Variants in IL1RAPL2 observed in about 807,000 individuals in gnomAD.
IL1RAPL2 encodes X-linked interleukin-1 receptor accessory protein-like 2.
IL1RAPL2 carries 3 observed loss-of-function variants against 44.1 expected under a neutral mutation model. The ratio of observed to expected loss-of-function variants is 0.07; its 90% CI spans 0.03 to 0.18. The LOEUF is 0.18. Ranked by LOEUF, IL1RAPL2 falls within the 10% of genes least tolerant of loss-of-function variation. IL1RAPL2 has a pLI of 1.00. For synonymous variants in IL1RAPL2, 181 were observed against 178.8 expected, an observed-to-expected ratio of 1.01 and a Z score of -0.10; for missense variants, 391 against 496.4, an observed-to-expected ratio of 0.79 and a Z score of 2.02.
At chrX:105,315,899 T>C (rs962732391) in intron 5 of IL1RAPL2, among the ~76,000 whole-genome samples, 3 of 109,258 alleles carry the variant, frequency 2.7e-5, no homozygotes, top group African/African-American at 9.9e-5. Flanking sequence ...TTGTTGACTA[T>C]ATGCTTTTTG....
chrX:104,738,436 AAAT>A (rs752896057), intron 2 of IL1RAPL2, among the ~76,000 whole-genome samples: 2 of 112,242 alleles, frequency 1.8e-5, no homozygotes, highest in African/African-American at 3.2e-5. Context: ...AATATTGAAA[AAAT>A]ATAATTATGC....
At chrX:104,796,096 C>T (rs1220953296) in intron 2 of IL1RAPL2, among the ~76,000 whole-genome samples, 8 of 112,053 alleles carry the variant, frequency 7.1e-5, no homozygotes, top group African/African-American at 2.6e-4. Flanking sequence ...GACTATGGTT[C>T]TAATTTCATC....
chrX:104,719,881 T>C (rs1329898356), intron 2 of IL1RAPL2, among the ~76,000 whole-genome samples: 1 of 111,510 alleles, frequency 9.0e-6, no homozygotes, highest in Non-Finnish European at 1.9e-5. Context: ...CTGATTTGCC[T>C]CAGGGAAGAT....
chrX:105,009,493 G>A (rs767468157), intron 2 of IL1RAPL2, among the ~76,000 whole-genome samples: 117 of 103,974 alleles, frequency 1.1e-3, no homozygotes, highest in African/African-American at 2.6e-3. Flanking sequence ...GCAAACTATC[G>A]CAAGGACAAA....
intron 6 of IL1RAPL2, among the ~76,000 whole-genome samples, chrX:105,673,105 G>A (rs190198735): frequency 1.2e-4 from 13 of 111,191 alleles, no homozygotes; most frequent in African/African-American, 3.9e-4. Flanking sequence ...GTTGTACCTC[G>A]TGGGAAAAAT....
intron 2 of IL1RAPL2, among the ~76,000 whole-genome samples, chrX:105,140,858 A>AGTGGTGCCAGTGGTGGG: frequency 8.9e-6 from 1 of 111,851 alleles, no homozygotes; most frequent in East Asian, 2.8e-4. Flanking sequence ...GTAGAGGTGA[A>AGTGGTGCCAGTGGTGGG]GAGGTGCCAG....
At chrX:104,740,865 T>G (rs1311442445) in intron 2 of IL1RAPL2, among the ~76,000 whole-genome samples, 2 of 111,753 alleles carry the variant, frequency 1.8e-5, no homozygotes, top group Non-Finnish European at 3.8e-5. Flanking sequence ...CTTTGAAACC[T>G]TGTGTTAATG....
At chrX:105,118,762 G>A (rs1001049781) in intron 2 of IL1RAPL2, among the ~76,000 whole-genome samples, 3 of 112,248 alleles carry the variant, frequency 2.7e-5, no homozygotes, top group African/African-American at 9.7e-5. Context: ...TGCACAGATA[G>A]TTATTACCCT....
At chrX:105,391,550 C>A (rs1345055883) in intron 5 of IL1RAPL2, among the ~76,000 whole-genome samples, 2 of 96,645 alleles carry the variant, frequency 2.1e-5, no homozygotes, top group Non-Finnish European at 4.1e-5. Flanking sequence ...GTTGGTGGGA[C>A]TGTAAACTAG....
intron 1 of IL1RAPL2, among the ~76,000 whole-genome samples, chrX:104,603,731 A>G (rs1928936510): frequency 8.9e-6 from 1 of 111,974 alleles, no homozygotes; most frequent in South Asian, 3.7e-4. Context: ...CTAATGAAAT[A>G]AAGAGAAAAG....
At chrX:105,013,748 A>G (rs2031110915) in intron 2 of IL1RAPL2, among the ~76,000 whole-genome samples, 1 of 111,668 alleles carries the variant, frequency 9.0e-6, no homozygotes, top group Non-Finnish European at 1.9e-5. Context: ...TATTATCCAA[A>G]GCCTAGGTCT....
chrX:105,181,214 T>C (rs1359907143), intron 2 of IL1RAPL2, among the ~76,000 whole-genome samples: 1 of 112,218 alleles, frequency 8.9e-6, no homozygotes, highest in Non-Finnish European at 1.9e-5. Context: ...GTTTTCTCTC[T>C]TCTTGGTTAG....
chrX:105,615,765 C>A (rs914348603), intron 6 of IL1RAPL2, among the ~76,000 whole-genome samples: 1 of 111,737 alleles, frequency 8.9e-6, no homozygotes, highest in African/African-American at 3.3e-5. Context: ...TATTTGCTAG[C>A]ACAACAGGGT....
intron 2 of IL1RAPL2, among the ~76,000 whole-genome samples, chrX:105,050,226 G>A (rs2031899988): frequency 8.9e-6 from 1 of 111,933 alleles, no homozygotes; most frequent in Non-Finnish European, 1.9e-5. Context: ...GTGCAGCATG[G>A]TGAATTCCAA....
intron 3 of IL1RAPL2, among the ~76,000 whole-genome samples, chrX:105,231,449 C>T (rs1556195575): frequency 9.0e-6 from 1 of 111,716 alleles, no homozygotes; most frequent in African/African-American, 3.3e-5. Flanking sequence ...CATATACCTT[C>T]ATCTGAAGAA....
chrX:104,863,346 G>A (rs1922539196), intron 2 of IL1RAPL2, among the ~76,000 whole-genome samples: 1 of 111,580 alleles, frequency 9.0e-6, no homozygotes, highest in Non-Finnish European at 1.9e-5. Flanking sequence ...TCTTGTGGCA[G>A]GTTGGAGAGG....
At chrX:104,601,221 T>C (rs1229537669) in intron 1 of IL1RAPL2, among the ~76,000 whole-genome samples, 1 of 110,790 alleles carries the variant, frequency 9.0e-6, no homozygotes, top group East Asian at 2.9e-4. Context: ...GTTGGTGTGC[T>C]GCACCCATTA....
intron 2 of IL1RAPL2, among the ~76,000 whole-genome samples, chrX:104,786,378 AT>A (rs1330737416): frequency 8.9e-6 from 1 of 112,034 alleles, no homozygotes; most frequent in African/African-American, 3.2e-5. Flanking sequence ...GGCTTCTAAT[AT>A]AGAAATTATC....
chrX:104,706,383 A>C (rs1931363735), intron 2 of IL1RAPL2, among the ~76,000 whole-genome samples: 1 of 112,191 alleles, frequency 8.9e-6, no homozygotes, highest in South Asian at 3.7e-4. Context: ...ATATTATCTC[A>C]GTTTTACAGA....
Sources: allele counts gnomAD v4.1 joint callset (sites outside exome capture counted in the v4.1 genomes callset), GRCh38; gene constraint gnomAD v4.1.1; transcripts MANE v1.5; gene names NCBI Gene and HGNC (gene_info 2026-07-23, HGNC 2026-07-21).